Variants in ATG5 observed in about 807,000 individuals in gnomAD.
ATG5 encodes the protein autophagy related 5.
A neutral mutation model predicts 36.5 loss-of-function variants in ATG5; 14 were observed. That is an observed-to-expected ratio of 0.38 (90% CI 0.25 to 0.60). The LOEUF (loss-of-function observed/expected upper bound fraction) is 0.60. Ranked by LOEUF, ATG5 falls within the 20% of genes least tolerant of loss-of-function variation. The pLI, the probability that ATG5 is intolerant of heterozygous loss-of-function variation, is 0.60. For missense variants in ATG5, 195 were observed against 326.7 expected (o/e 0.60, Z 3.11); for synonymous variants, 95 against 101.5 (o/e 0.94, Z 0.38).
chr6:106,279,650 A>G lies in ATG5; in HGVS notation c.478+11T>C, dbSNP rs1389216443. 3 of 1,563,074 alleles carry G rather than the reference A, an allele frequency of 1.9e-6. No individual in the cohort carries two copies. In the South Asian group the frequency reaches 3.7e-5, roughly 19 times the overall value. On this transcript the variant is annotated intron_variant, in intron 5 of 7. Coordinates refer to ENST00000369076, the MANE Select transcript of ATG5 (RefSeq NM_004849.4). ...AAGTGGTATTCTAAAATTAAACACT[A>G]TTATACTTACCATTTTGCAATCCCA...
chr6:106,230,214 C>G (rs1457293375), intron 6 of ATG5, among the ~76,000 whole-genome samples: 1 of 152,222 alleles, frequency 6.6e-6, no homozygotes, highest in Non-Finnish European at 1.5e-5. Context: ...TGTTTGCACT[C>G]AGCCAAGCCT....
chr6:106,194,389 G>A (rs535054708), intron 7 of ATG5, among the ~76,000 whole-genome samples: 4 of 151,896 alleles, frequency 2.6e-5, no homozygotes, highest in East Asian at 3.9e-4. Context: ...TGCTTTATAC[G>A]GTCAGCATGA....
intron 5 of ATG5, among the ~76,000 whole-genome samples, chr6:106,268,487 A>G (rs950092849): frequency 1.3e-5 from 2 of 152,228 alleles, no homozygotes; most frequent in Non-Finnish European, 2.9e-5. Flanking sequence ...AAGGATCTAC[A>G]GCCAGAAATA....
chr6:106,263,786 A>T lies in ATG5; in HGVS notation c.479-15542T>A, dbSNP rs570025237. ...GGGGCCCTAACAAAAAGAAAATACA[A>T]CATCAACATCAACATAAAGGACCCC... On this transcript the variant is annotated intron_variant, in intron 5 of 7. Coordinates refer to ENST00000369076, the MANE Select transcript of ATG5 (RefSeq NM_004849.4). 7.2e-5 allele frequency among the ~76,000 whole-genome samples: 11 copies of T among 151,962 alleles called. No individual in the cohort carries two copies. The South Asian group carries it at 1.9e-3, about 26-fold the overall frequency.
chr6:106,209,758 T>A (rs1776788183), intron 6 of ATG5, among the ~76,000 whole-genome samples: 1 of 152,208 alleles, frequency 6.6e-6, no homozygotes, highest in South Asian at 2.1e-4. Flanking sequence ...ATGCAAGATG[T>A]TAGAATTGGG....
At position 106,296,854 on chromosome 6, in the gene ATG5, A is replaced by T. The variant is rs575269278; in HGVS notation, c.237-3748T>A. Among the ~76,000 whole-genome samples the T allele has an allele frequency of 8.1e-4, 123 of 152,308 alleles. 3 individuals are homozygous for T. In the South Asian group the frequency reaches 0.025, roughly 31 times the overall value. On this transcript the variant is annotated intron_variant, in intron 3 of 7. Coordinates refer to ENST00000369076, the MANE Select transcript of ATG5 (RefSeq NM_004849.4). Reference sequence around the variant, plus strand: ...AAAAGCAAGCAGACTCCATTCTGGAATCAGTTTTTAGCTATCATTAACACA... The same window carrying T: ...AAAAGCAAGCAGACTCCATTCTGGATTCAGTTTTTAGCTATCATTAACACA...
At chr6:106,324,260 A>C (rs947924818) in intron 1 of ATG5, among the ~76,000 whole-genome samples, 4 of 152,218 alleles carry the variant, frequency 2.6e-5, no homozygotes, top group African/African-American at 9.6e-5. Context: ...ACAATACACC[A>C]TAACAACTAT....
At chr6:106,307,781 C>T (rs2114663873) in intron 3 of ATG5, among the ~76,000 whole-genome samples, 1 of 152,272 alleles carries the variant, frequency 6.6e-6, no homozygotes, top group Admixed American at 6.5e-5. Context: ...GGTGATCCGC[C>T]AGCCTCGGCC....
intron 3 of ATG5, chr6:106,304,409 T>C (rs571569020): frequency 6.6e-6 from 1 of 152,246 alleles, no homozygotes; most frequent in East Asian, 1.9e-4. Context: ...CTCAATATAG[T>C]CCCAGAATGG....
At chr6:106,312,786 TAACA>T (rs1285224791) in intron 2 of ATG5, among the ~76,000 whole-genome samples, 7 of 152,202 alleles carry the variant, frequency 4.6e-5, no homozygotes, top group South Asian at 2.1e-4. Context: ...AAATGAAAAT[TAACA>T]AACAGACTCT....
At chr6:106,320,823 T>C (rs1400430494) in intron 1 of ATG5, among the ~76,000 whole-genome samples, 2 of 152,210 alleles carry the variant, frequency 1.3e-5, no homozygotes, top group Non-Finnish European at 2.9e-5. Context: ...CTACCGGTTT[T>C]AGAATGGTAA....
At position 106,316,197 on chromosome 6, in the gene ATG5, G is replaced by C; in HGVS notation, c.12C>G (p.Asp4Glu). 6.2e-7 allele frequency: 1 copy of C among 1,613,386 alleles called. No homozygotes were observed. The highest frequency in any genetic ancestry group is 8.5e-7 in the Non-Finnish European group (1 of 1,179,590). MTD[D>E]KDVLRDVWFG... ...ACCACACATCTCGAAGCACATCTTT[G>C]TCATCTGTCATTCTTCCAGGAGTTA... Residue 4 changes from aspartate (D) to glutamate (E), a missense_variant, in exon 2 of 8, where the codon GAC (aspartate) becomes GAG (glutamate). By Grantham distance (45) the Asp-to-Glu change is conservative. Transcript: ENST00000369076.
chr6:106,284,363 G>GTT (rs112317085), intron 4 of ATG5, among the ~76,000 whole-genome samples: 13 of 150,616 alleles, frequency 8.6e-5, no homozygotes, highest in African/African-American at 7.3e-5. Flanking sequence ...GTATTTTGTT[G>GTT]TTTTTTTTTG....
chr6:106,319,023 C>G (rs575034429), intron 1 of ATG5, among the ~76,000 whole-genome samples: 3 of 152,194 alleles, frequency 2.0e-5, no homozygotes, highest in Non-Finnish European at 2.9e-5. Flanking sequence ...TGGAGCCAGA[C>G]TGTCTGGAGC....
At position 106,325,752 on chromosome 6, in the gene ATG5, G is replaced by T. The variant is rs190825454; in HGVS notation, c.-285C>A. On this transcript the variant is annotated 5_prime_UTR_variant, in exon 1 of 8. Transcript: ENST00000369076. ...CCTCTGGTATCCAGCGAATACAACC[G>T]GCAACGCTGCGGAGCCCTGGCAGCG... 1 of 152,890 alleles carries T rather than the reference G, an allele frequency of 6.5e-6. No individual in the cohort carries two copies. Among genetic ancestry groups the T allele is most frequent in the Admixed American group, 6.5e-5 (1 of 15,286 alleles). The allele number at this position is 152,890 out of a possible 1,614,324, so 9.5% of individuals were successfully genotyped here.
At chr6:106,296,186 G>A (rs947098337) in intron 3 of ATG5, among the ~76,000 whole-genome samples, 10 of 150,714 alleles carry the variant, frequency 6.6e-5, no homozygotes, top group African/African-American at 2.2e-4. Flanking sequence ...ATTCTTAAAG[G>A]TATTCCAAAG....
At chr6:106,221,759 T>C (rs887309043) in intron 6 of ATG5, among the ~76,000 whole-genome samples, 1 of 151,626 alleles carries the variant, frequency 6.6e-6, no homozygotes, top group Admixed American at 6.6e-5. Context: ...ATGTTTACTA[T>C]ATCTACTTAT....
chr6:106,322,080 AG>A (rs1443757525), intron 1 of ATG5, among the ~76,000 whole-genome samples: 1 of 152,194 alleles, frequency 6.6e-6, no homozygotes, highest in Non-Finnish European at 1.5e-5. Context: ...TCCAATTTCA[AG>A]GAACTGTCTT....
intron 6 of ATG5, among the ~76,000 whole-genome samples, chr6:106,222,153 G>T (rs941420019): frequency 1.3e-5 from 2 of 152,144 alleles, no homozygotes; most frequent in Non-Finnish European, 2.9e-5. Context: ...GATTACATGC[G>T]TGAGCCACTG....
Sources: gnomAD v4.1 joint callset for allele counts (sites outside exome capture counted in the v4.1 genomes callset) on GRCh38, gnomAD v4.1.1 for gene constraint, MANE v1.5 for transcripts, NCBI Gene and HGNC (gene_info 2026-07-23, HGNC 2026-07-21) for gene names.